PIK3CB: variants seen among roughly 807,000 people sequenced by gnomAD.
The protein encoded by PIK3CB is phosphatidylinositol 4,5-bisphosphate 3-kinase catalytic subunit beta isoform.
In PIK3CB, 39 loss-of-function variants were observed where a neutral mutation model predicts 136.8. The observed-to-expected ratio is 0.29, with a 90% CI of 0.22 to 0.37. The LOEUF (loss-of-function observed/expected upper bound fraction) is 0.37, where lower values mean the gene tolerates loss of function less well. PIK3CB is among the 10% of genes least tolerant of loss of function. The pLI, the probability that PIK3CB is intolerant of heterozygous loss-of-function variation, is 1.00. For synonymous variants in PIK3CB, 428 were observed against 436.6 expected, an observed-to-expected ratio of 0.98 and a Z score of 0.25; for missense variants, 868 against 1,275.4, an observed-to-expected ratio of 0.68 and a Z score of 4.87.
chr3:138,784,369 G>C (rs1054292316), intron 2 of PIK3CB, among the ~76,000 whole-genome samples: 6 of 152,104 alleles, frequency 3.9e-5, no homozygotes, highest in Admixed American at 3.9e-4. Context: ...GCAACAGAGA[G>C]AGACTCTGTA....
chr3:138,670,496 G>A (rs954570480), intron 19 of PIK3CB, among the ~76,000 whole-genome samples: 4 of 152,128 alleles, frequency 2.6e-5, no homozygotes, highest in Non-Finnish European at 5.9e-5. Flanking sequence ...CCCAGAATGA[G>A]CCAGATAATA....
chr3:138,831,885 C>T (rs1934056127), intron 1 of PIK3CB, among the ~76,000 whole-genome samples: 1 of 152,166 alleles, frequency 6.6e-6, no homozygotes, highest in African/African-American at 2.4e-5. Flanking sequence ...TGCCATTGCA[C>T]TCCAGCCTGG....
rs981521550 is a variant in PIK3CB at position 138,680,164 on chromosome 3, C to G, written c.2504+1803G>C. ...CACAAGGTCAGGAGTTTGAGACCAG[C>G]CTGACAAACATGGCGAAATCCCATC... On this transcript the variant is annotated intron_variant, in intron 19 of 23. Transcript: ENST00000674063. Among the ~76,000 whole-genome samples, 120 of 152,034 alleles carry G rather than the reference C, an allele frequency of 7.9e-4. 1 individual carries two copies. Among genetic ancestry groups the G allele is most frequent in the Non-Finnish European group, 6.2e-4 (42 of 67,984 alleles).
intron 1 of PIK3CB, among the ~76,000 whole-genome samples, chr3:138,824,204 C>T (rs1484312221): frequency 6.6e-6 from 1 of 152,098 alleles, no homozygotes; most frequent in Non-Finnish European, 1.5e-5. Context: ...TCCATATAAT[C>T]CTCCCCCTGC....
intron 10 of PIK3CB, 95 bp downstream of exon 10, chr3:138,712,113 T>C: frequency 1.9e-6 from 1 of 530,598 alleles, no homozygotes; most frequent in Non-Finnish European, 3.3e-6. Flanking sequence ...ATTTTATTTA[T>C]TAAATTGAAA....
intron 15 of PIK3CB, among the ~76,000 whole-genome samples, chr3:138,689,290 CA>C (rs201720744): frequency 1.8e-4 from 28 of 152,116 alleles, no homozygotes; most frequent in Non-Finnish European, 4.0e-4. Context: ...GTGATGTGCA[CA>C]AAAAATGAGT....
chr3:138,766,125 C>T (rs556601247), intron 2 of PIK3CB, among the ~76,000 whole-genome samples: 2 of 152,324 alleles, frequency 1.3e-5, no homozygotes, highest in East Asian at 3.9e-4. Flanking sequence ...TTAAAGATGG[C>T]ACCCTCACTG....
At chr3:138,683,625 G>A in intron 18 of PIK3CB, 53 bp downstream of exon 18, 1 of 964,948 alleles carries the variant, frequency 1.0e-6, no homozygotes, top group South Asian at 1.3e-5. Context: ...AAAGCAAAAT[G>A]GCAACAAATG....
At chr3:138,808,901 A>G (rs1246958632) in intron 1 of PIK3CB, among the ~76,000 whole-genome samples, 1 of 152,110 alleles carries the variant, frequency 6.6e-6, no homozygotes, top group Non-Finnish European at 1.5e-5. Flanking sequence ...GGGAAAATCT[A>G]GTTGATCTTC....
At chr3:138,693,599 C>T (rs1403822673) in intron 14 of PIK3CB, among the ~76,000 whole-genome samples, 2 of 151,790 alleles carry the variant, frequency 1.3e-5, no homozygotes, top group African/African-American at 2.4e-5. Context: ...GGGGTTTCAC[C>T]ATGTTGGCCA....
At chr3:138,784,541 T>C (rs2045954108) in intron 2 of PIK3CB, among the ~76,000 whole-genome samples, 2 of 152,136 alleles carry the variant, frequency 1.3e-5, no homozygotes, top group South Asian at 4.1e-4. Flanking sequence ...CTGATTCTCC[T>C]GCCTCAGCCT....
At chr3:138,829,416 T>A (rs1279185937) in intron 1 of PIK3CB, among the ~76,000 whole-genome samples, 7 of 151,748 alleles carry the variant, frequency 4.6e-5, no homozygotes. Context: ...AGGAGACCAG[T>A]TAGGAAGGTA....
At chr3:138,813,630 G>C (rs1375455322) in intron 1 of PIK3CB, among the ~76,000 whole-genome samples, 1 of 151,804 alleles carries the variant, frequency 6.6e-6, no homozygotes, top group Non-Finnish European at 1.5e-5. Flanking sequence ...TGTTAGCCAG[G>C]ACAGTCTCGA....
At chr3:138,708,414 C>A (rs560884429) in intron 10 of PIK3CB, among the ~76,000 whole-genome samples, 1 of 151,740 alleles carries the variant, frequency 6.6e-6, no homozygotes. Context: ...GCGCATGCCA[C>A]CATGCCCAGC....
At chr3:138,727,987 G>A (rs1695113807) in intron 8 of PIK3CB, among the ~76,000 whole-genome samples, 1 of 151,948 alleles carries the variant, frequency 6.6e-6, no homozygotes, top group Non-Finnish European at 1.5e-5. Flanking sequence ...TCGATCTCCT[G>A]ACCTCGAGAT....
At chr3:138,669,223 G>A (rs900292933) in intron 19 of PIK3CB, among the ~76,000 whole-genome samples, 6 of 150,040 alleles carry the variant, frequency 4.0e-5, no homozygotes, top group African/African-American at 1.5e-4. Flanking sequence ...ACCAGCCTGG[G>A]CAACATGGTG....
chr3:138,665,644 T>C (rs893045957), intron 19 of PIK3CB, among the ~76,000 whole-genome samples: 1 of 152,212 alleles, frequency 6.6e-6, no homozygotes, highest in Non-Finnish European at 1.5e-5. Flanking sequence ...TCTCAGTTCA[T>C]TACAGCCTCT....
intron 2 of PIK3CB, among the ~76,000 whole-genome samples, chr3:138,792,461 C>T (rs964488560): frequency 3.3e-5 from 5 of 152,112 alleles, no homozygotes; most frequent in African/African-American, 1.2e-4. Context: ...GCAGCCTCGA[C>T]CTCCTGGGCT....
intron 23 of PIK3CB, 130 bp downstream of exon 23, chr3:138,656,012 C>T: frequency 1.1e-6 from 1 of 899,066 alleles, no homozygotes; most frequent in Non-Finnish European, 1.7e-6. Context: ...GATTCTTTCC[C>T]TCCTGGCTAA....
Sources: allele counts gnomAD v4.1 joint callset (sites outside exome capture counted in the v4.1 genomes callset), GRCh38; gene constraint gnomAD v4.1.1; transcripts MANE v1.5; gene names NCBI Gene and HGNC (gene_info 2026-07-23, HGNC 2026-07-21).